SORCS2: variants seen among roughly 807,000 people sequenced by gnomAD.
The protein encoded by SORCS2 is sortilin related VPS10 domain containing receptor 2, also known as VPS10 domain-containing receptor SorCS2.
Under a neutral mutation model 141.6 loss-of-function variants are expected in SORCS2, and 100 were observed. That is an observed-to-expected ratio of 0.71 (90% CI 0.60 to 0.83). The LOEUF (loss-of-function observed/expected upper bound fraction) is 0.83, where lower values mean the gene tolerates loss of function less well. Ranked by LOEUF, SORCS2 falls within the 40% of genes least tolerant of loss-of-function variation. The pLI is 0.00. For synonymous variants in SORCS2, 789 were observed against 676.9 expected (o/e 1.17, Z -2.57); for missense variants, 1,646 against 1,560.2 (o/e 1.05, Z -0.93).
chr4:7,671,701 T>A (rs1002392068), intron 8 of SORCS2, among the ~76,000 whole-genome samples: 1 of 152,166 alleles, frequency 6.6e-6, no homozygotes, highest in African/African-American at 2.4e-5. Context: ...GAACGCAGTC[T>A]ATGGGAGCTT....
intron 3 of SORCS2, among the ~76,000 whole-genome samples, chr4:7,616,389 C>A (rs561063152): frequency 6.6e-6 from 1 of 152,266 alleles, no homozygotes; most frequent in East Asian, 1.9e-4. Flanking sequence ...ACCATCCACT[C>A]ATCCATAATC....
intron 1 of SORCS2, among the ~76,000 whole-genome samples, chr4:7,303,556 A>T (rs548987235): frequency 6.6e-6 from 1 of 152,264 alleles, no homozygotes; most frequent in Admixed American, 6.5e-5. Context: ...CGCTTGAGTG[A>T]CGTAGGGCTT....
At chr4:7,515,824 A>C (rs939320831) in intron 2 of SORCS2, among the ~76,000 whole-genome samples, 2 of 152,328 alleles carry the variant, frequency 1.3e-5, no homozygotes, top group African/African-American at 4.8e-5. Flanking sequence ...AGCCCTGGCA[A>C]AGAAACACTG....
intron 9 of SORCS2, among the ~76,000 whole-genome samples, chr4:7,676,803 G>GTC (rs1182959755): frequency 0.013 from 491 of 37,228 alleles, 23 homozygotes; most frequent in African/African-American, 0.041. Flanking sequence ...CTGCCTTTCT[G>GTC]TCTCTCTCTC....
At chr4:7,713,498 C>A (rs975643133) in intron 15 of SORCS2, among the ~76,000 whole-genome samples, 1 of 151,992 alleles carries the variant, frequency 6.6e-6, no homozygotes, top group Non-Finnish European at 1.5e-5. Flanking sequence ...GTACAGGGAC[C>A]CTCTCAAAGG....
intron 2 of SORCS2, among the ~76,000 whole-genome samples, chr4:7,492,146 C>T (rs1194119800): frequency 3.3e-5 from 5 of 152,354 alleles, no homozygotes; most frequent in African/African-American, 9.6e-5. Context: ...CCAGCAGGCC[C>T]GACAGCCTGG....
intron 8 of SORCS2, among the ~76,000 whole-genome samples, chr4:7,667,778 G>C (rs1054700402): frequency 1.3e-5 from 2 of 152,208 alleles, no homozygotes; most frequent in African/African-American, 4.8e-5. Flanking sequence ...AGGGGAGCTG[G>C]GGATTGCCCA....
At chr4:7,576,444 G>A (rs768039399) in intron 3 of SORCS2, among the ~76,000 whole-genome samples, 1 of 152,216 alleles carries the variant, frequency 6.6e-6, no homozygotes, top group Non-Finnish European at 1.5e-5. Context: ...GACAAAGCAA[G>A]TCACAACAGC....
chr4:7,468,525 A>G (rs952235833), intron 2 of SORCS2, among the ~76,000 whole-genome samples: 5 of 152,238 alleles, frequency 3.3e-5, no homozygotes. Flanking sequence ...ACAGCCAAGA[A>G]GCCTCATGGT....
At chr4:7,330,924 T>TGAACAAGGCTCGCTGCCACAGCCTGC (rs1719617915) in intron 1 of SORCS2, among the ~76,000 whole-genome samples, 1 of 152,034 alleles carries the variant, frequency 6.6e-6, no homozygotes, top group South Asian at 2.1e-4. Context: ...GGCACATCTG[T>TGAACAAGGCTCGCTGCCACAGCCTGC]GAACAAGGCT....
chr4:7,386,495 GCACACACATGCCCAC>G (rs1723335370), intron 1 of SORCS2, among the ~76,000 whole-genome samples: 1 of 54,142 alleles, frequency 1.8e-5, no homozygotes, highest in Non-Finnish European at 3.4e-5. Flanking sequence ...TTGCACACAC[GCACACACATGCCCAC>G]CATACACATG....
rs79215407 is a variant in SORCS2, at chr4:7,264,484, C to T, written c.480+71358C>T. Reference sequence around the variant, plus strand: ...GCTGCCACCACCACTGCCTGGACCCCGTCGAGTGTCTCCCGACCACCGGCT... The same window carrying T: ...GCTGCCACCACCACTGCCTGGACCCTGTCGAGTGTCTCCCGACCACCGGCT... On this transcript the variant is annotated intron_variant, in intron 1 of 26. Transcript: ENST00000507866. 8.3e-3 allele frequency among the ~76,000 whole-genome samples: 1,257 copies of T among 151,996 alleles called. 8 individuals are homozygous for T. Among genetic ancestry groups the T allele is most frequent in the Non-Finnish European group, 0.011 (724 of 67,958 alleles).
chr4:7,712,331 A>T (rs1025657837), intron 14 of SORCS2, among the ~76,000 whole-genome samples: 3 of 152,232 alleles, frequency 2.0e-5, no homozygotes, highest in African/African-American at 7.2e-5. Flanking sequence ...AGACAGCTGC[A>T]GATGCAGCCA....
chr4:7,506,739 A>C (rs1273186098), intron 2 of SORCS2, among the ~76,000 whole-genome samples: 1 of 152,228 alleles, frequency 6.6e-6, no homozygotes, highest in Non-Finnish European at 1.5e-5. Flanking sequence ...TAGTAGCCCA[A>C]TAAACGTTGC....
intron 1 of SORCS2, among the ~76,000 whole-genome samples, chr4:7,280,529 G>A (rs1715804084): frequency 6.6e-6 from 1 of 152,218 alleles, no homozygotes; most frequent in Non-Finnish European, 1.5e-5. Flanking sequence ...GTTCGCTCAT[G>A]AGAGGAAGTA....
intron 3 of SORCS2, among the ~76,000 whole-genome samples, chr4:7,540,148 C>T (rs1161518624): frequency 1.2e-5 from 1 of 84,746 alleles, no homozygotes; most frequent in Non-Finnish European, 2.5e-5. Context: ...CCCTGCCCCT[C>T]CCCGCCCCTG....
chr4:7,255,905 A>T (rs193063246), intron 1 of SORCS2, among the ~76,000 whole-genome samples: 56 of 5,406 alleles, frequency 0.01, no homozygotes, highest in African/African-American at 0.016. Context: ...CCGGGGCTGG[A>T]GCGTGGGGCC....
chr4:7,211,199 G>A (rs983642825), intron 1 of SORCS2, among the ~76,000 whole-genome samples: 1 of 133,206 alleles, frequency 7.5e-6, no homozygotes, highest in African/African-American at 2.9e-5. Flanking sequence ...CTTCTCAGAG[G>A]TGGCGGGAGG....
chr4:7,292,480 T>C (rs944931985), intron 1 of SORCS2, among the ~76,000 whole-genome samples: 4 of 151,892 alleles, frequency 2.6e-5, no homozygotes, highest in Non-Finnish European at 5.9e-5. Flanking sequence ...TCACAGTTAG[T>C]GTGCTCTGGG....
Sources: gnomAD v4.1 joint callset for allele counts (sites outside exome capture counted in the v4.1 genomes callset) on GRCh38, gnomAD v4.1.1 for gene constraint, MANE v1.5 for transcripts, NCBI Gene and HGNC (gene_info 2026-07-23, HGNC 2026-07-21) for gene names.